The following ADH1C variants were observed in gnomAD, a reference collection of about 807,000 sequenced individuals.
The protein encoded by ADH1C is alcohol dehydrogenase 1C.
ADH1C carries 26 observed loss-of-function variants against 35.0 expected under a neutral mutation model. That is an observed-to-expected ratio of 0.74 (90% CI 0.54 to 1.03). The LOEUF (loss-of-function observed/expected upper bound fraction) is 1.03. Among genes scored for constraint, ADH1C ranks in the 50% least tolerant of loss-of-function variants. The pLI is 0.00. For synonymous variants in ADH1C, 170 were observed against 169.3 expected (o/e 1.00, Z -0.03); for missense variants, 413 against 465.4 (o/e 0.89, Z 1.04).
chr4:99,346,511 C>A (rs1693430), intron 3 of ADH1C, among the ~76,000 whole-genome samples: 2 of 152,006 alleles, frequency 1.3e-5, no homozygotes, highest in Admixed American at 1.3e-4. Flanking sequence ...AAGAGGAAAT[C>A]GGTAAAGGAG....
chr4:99,340,254 A>T (rs1188578018), intron 7 of ADH1C, among the ~76,000 whole-genome samples: 2 of 152,094 alleles, frequency 1.3e-5, no homozygotes. Flanking sequence ...CCTCATCTCT[A>T]CCCAAAAAAA....
chr4:99,348,563 T>C (rs1734598902), intron 1 of ADH1C, among the ~76,000 whole-genome samples: 1 of 150,786 alleles, frequency 6.6e-6, no homozygotes, highest in Non-Finnish European at 1.5e-5. Flanking sequence ...TCTTTGCTAT[T>C]GTGAATAATG....
chr4:99,346,991 G>A lies in ADH1C; in HGVS notation c.259+15C>T, dbSNP rs775589950. On this transcript the variant is annotated intron_variant, in intron 3 of 8. Coordinates refer to ENST00000515683, the MANE Select transcript of ADH1C (RefSeq NM_000669.5). ...TGGTGAACCAAGGCATGTTCCCTGA[G>A]TGTGAATCCTGTACCTGGTTTGACT... 6.2e-7 allele frequency: 1 copy of A among 1,612,328 alleles called. No homozygotes were observed. The highest frequency in any genetic ancestry group is 8.5e-7 in the Non-Finnish European group (1 of 1,179,272).
Position 99,347,850 on chromosome 4 carries a change from G to A in ADH1C, c.19-4C>T. On this transcript the variant is annotated splice_region_variant and splice_polypyrimidine_tract_variant and intron_variant, in intron 1 of 8. Coordinates refer to ENST00000515683, the MANE Select transcript of ADH1C (RefSeq NM_000669.5). ...CAGCTGCTTTGCATTTGATTACCTAGAACATCAGACAGAGAGATGGTACCA... is the reference window on the plus strand; with the variant it reads ...CAGCTGCTTTGCATTTGATTACCTAAAACATCAGACAGAGAGATGGTACCA... 1 of 1,613,474 alleles carries A rather than the reference G, an allele frequency of 6.2e-7. No homozygotes were observed. The highest frequency in any genetic ancestry group is 8.5e-7 in the Non-Finnish European group (1 of 1,179,642).
At chr4:99,340,078 G>A (rs1159739755) in intron 7 of ADH1C, among the ~76,000 whole-genome samples, 1 of 152,192 alleles carries the variant, frequency 6.6e-6, no homozygotes, top group African/African-American at 2.4e-5. Context: ...AGTACAAAAA[G>A]AGGTGGAGAT....
chr4:99,336,907 C>T, intron 8 of ADH1C, 131 bp from the exon 9 acceptor site: 2 of 1,279,542 alleles, frequency 1.6e-6, no homozygotes, highest in South Asian at 1.3e-5. Context: ...CTTCCCATCC[C>T]TATGCATTTG....
intron 8 of ADH1C, among the ~76,000 whole-genome samples, chr4:99,337,702 C>T (rs36019411): frequency 0.012 from 1,792 of 152,062 alleles, 40 homozygotes; most frequent in African/African-American, 0.041. Flanking sequence ...CTTACGACCT[C>T]GGAGTAATCA....
At chr4:99,338,395 C>CTATA (rs35124782) in intron 8 of ADH1C, among the ~76,000 whole-genome samples, 669 of 38,598 alleles carry the variant, frequency 0.017, 41 homozygotes, top group Non-Finnish European at 0.025. Flanking sequence ...ATACTGTTTT[C>CTATA]TATATATATA....
intron 8 of ADH1C, 32 bp from the exon 9 acceptor site, chr4:99,336,808 C>G: frequency 6.2e-7 from 1 of 1,613,316 alleles, no homozygotes; most frequent in Non-Finnish European, 8.5e-7. Flanking sequence ...ATTGTGTTAA[C>G]ATTTAGACAA....
At chr4:99,342,703 A>G in intron 6 of ADH1C, 92 bp downstream of exon 6, 1 of 1,534,706 alleles carries the variant, frequency 6.5e-7, no homozygotes, top group Non-Finnish European at 8.8e-7. Flanking sequence ...ATCATTAAAA[A>G]TATCCTTTAT....
At chr4:99,341,723 T>C (rs1372510283) in intron 6 of ADH1C, among the ~76,000 whole-genome samples, 1 of 152,198 alleles carries the variant, frequency 6.6e-6, no homozygotes, top group African/African-American at 2.4e-5. Context: ...TAGATAATTC[T>C]GGATAGGTAA....
At chr4:99,348,257 C>T (rs1235442122) in intron 1 of ADH1C, among the ~76,000 whole-genome samples, 3 of 144,698 alleles carry the variant, frequency 2.1e-5, no homozygotes, top group Non-Finnish European at 4.6e-5. Context: ...GGTATATCTC[C>T]CAATGCTATC....
chr4:99,347,847 C>A lies in ADH1C; in HGVS notation c.19-1G>T. 6.2e-7 allele frequency: 1 copy of A among 1,613,536 alleles called. No individual in the cohort carries two copies. Among genetic ancestry groups the A allele is most frequent in the Non-Finnish European group, 8.5e-7 (1 of 1,179,672 alleles). On this transcript the variant is annotated splice_acceptor_variant, in intron 1 of 8. Transcript: ENST00000515683. LOFTEE classifies it high-confidence loss of function. ...GCACAGCTGCTTTGCATTTGATTAC[C>A]TAGAACATCAGACAGAGAGATGGTA...
At chr4:99,346,081 T>C (rs534111020) in intron 3 of ADH1C, among the ~76,000 whole-genome samples, 2 of 152,286 alleles carry the variant, frequency 1.3e-5, no homozygotes, top group South Asian at 4.2e-4. Flanking sequence ...TTTATTATTT[T>C]CTTTTCACAG....
In ADH1C at chr4:99,342,812, C is replaced by T. The variant is rs372087418; in HGVS notation, c.811G>A (p.Gly271Ser). ...GATCATACCATGGTGTCAAGCCGAC[C>T]GATGACTTCAAACGAAAAATCCACA... ...GGVDFSFEVI[G>S]RLDTMMASLL... The change falls in exon 6 of 9, where the codon GGT becomes AGT. Residue 271 changes from glycine (G) to serine (S), a missense_variant. Coordinates refer to ENST00000515683, the MANE Select transcript of ADH1C (RefSeq NM_000669.5). 1.1e-5 allele frequency: 17 copies of T among 1,613,854 alleles called. No homozygotes were observed. The highest frequency in any genetic ancestry group is 1.6e-4 in the Middle Eastern group (1 of 6,080).
At chr4:99,345,718 C>G (rs964742272) in intron 3 of ADH1C, among the ~76,000 whole-genome samples, 1 of 152,090 alleles carries the variant, frequency 6.6e-6, no homozygotes, top group Non-Finnish European at 1.5e-5. Context: ...TGATTTACAA[C>G]AAAAATGAGA....
rs1491001235 is a variant in ADH1C, at chr4:99,336,692, C to A, written c.*60G>T. ...TTAATGATATTTCCTAGCTGTTGCT[C>A]CAGATCATGTAGGGTAGAGGAGGCT... On this transcript the variant is annotated 3_prime_UTR_variant, in exon 9 of 9. Coordinates refer to ENST00000515683, the MANE Select transcript of ADH1C (RefSeq NM_000669.5). 8 of 1,579,998 alleles carry A rather than the reference C, an allele frequency of 5.1e-6. No homozygotes were observed. Among genetic ancestry groups the A allele is most frequent in the Non-Finnish European group, 7.0e-6 (8 of 1,149,574 alleles).
At chr4:99,348,515 C>A (rs1352723300) in intron 1 of ADH1C, among the ~76,000 whole-genome samples, 1 of 150,424 alleles carries the variant, frequency 6.6e-6, no homozygotes, top group South Asian at 2.1e-4. Flanking sequence ...TTTTCTTAAT[C>A]CAGTCTATCA....
intron 2 of ADH1C, 39 bp downstream of exon 2, chr4:99,347,706 T>G: frequency 6.4e-7 from 1 of 1,556,430 alleles, no homozygotes; most frequent in Middle Eastern, 1.8e-4. Context: ...CTGAATTCTT[T>G]AAACTTAAAA....
Sources: allele counts gnomAD v4.1 joint callset (sites outside exome capture counted in the v4.1 genomes callset), GRCh38; gene constraint gnomAD v4.1.1; transcripts MANE v1.5; gene names NCBI Gene and HGNC (gene_info 2026-07-23, HGNC 2026-07-21).